Variants in BNC2 observed in about 807,000 individuals in gnomAD.
BNC2 encodes zinc finger protein basonuclin-2.
A neutral mutation model predicts 76.3 loss-of-function variants in BNC2; 20 were observed. That is an observed-to-expected ratio of 0.26 (90% confidence interval 0.18 to 0.38). The LOEUF is 0.38. Among genes scored for constraint, BNC2 ranks in the 10% least tolerant of loss-of-function variants. The pLI, the probability that BNC2 is intolerant of heterozygous loss-of-function variation, is 1.00. For synonymous variants in BNC2, 582 were observed against 514.8 expected, an observed-to-expected ratio of 1.13 and a Z score of -1.77; for missense variants, 1,382 against 1,399.8, an observed-to-expected ratio of 0.99 and a Z score of 0.20.
intron 5 of BNC2, among the ~76,000 whole-genome samples, chr9:16,442,655 G>A (rs970541550): frequency 6.6e-6 from 1 of 152,166 alleles, no homozygotes; most frequent in Non-Finnish European, 1.5e-5. Context: ...CTCAAGCTCA[G>A]TCCAACAAGG....
chr9:16,511,348 G>A (rs765903071), intron 5 of BNC2, among the ~76,000 whole-genome samples: 46 of 150,818 alleles, frequency 3.1e-4, no homozygotes, highest in Admixed American at 5.9e-4. Context: ...TGGACTCAAG[G>A]GATTGTCCCA....
At chr9:16,743,659 C>T (rs539474794) in intron 1 of BNC2, among the ~76,000 whole-genome samples, 1 of 152,328 alleles carries the variant, frequency 6.6e-6, no homozygotes, top group East Asian at 1.9e-4. Context: ...ATCTGAACCA[C>T]ACTGGTTTTC....
intron 4 of BNC2, among the ~76,000 whole-genome samples, chr9:16,554,277 A>G (rs754737052): frequency 5.3e-4 from 81 of 152,262 alleles, no homozygotes; most frequent in Non-Finnish European, 3.5e-4. Context: ...TTAGTATTTC[A>G]TATGTATTTT....
chr9:16,638,590 T>A (rs2133823710), intron 3 of BNC2, among the ~76,000 whole-genome samples: 1 of 152,258 alleles, frequency 6.6e-6, no homozygotes, highest in East Asian at 1.9e-4. Flanking sequence ...CCTGTATGGC[T>A]CTAATTACCT....
chr9:16,700,589 G>A (rs1823480214), intron 3 of BNC2, among the ~76,000 whole-genome samples: 1 of 152,150 alleles, frequency 6.6e-6, no homozygotes, highest in Admixed American at 6.5e-5. Context: ...GGGACTATAG[G>A]TGCGTGCCAG....
intron 5 of BNC2, among the ~76,000 whole-genome samples, chr9:16,441,367 G>A (rs959038669): frequency 6.6e-6 from 1 of 152,200 alleles, no homozygotes; most frequent in Non-Finnish European, 1.5e-5. Flanking sequence ...TAAATGGAGA[G>A]ACTGCAACAA....
intron 5 of BNC2, among the ~76,000 whole-genome samples, chr9:16,450,076 T>C (rs1821309817): frequency 6.6e-6 from 1 of 152,170 alleles, no homozygotes; most frequent in Admixed American, 6.5e-5. Flanking sequence ...ACAGATAATG[T>C]AATAAAGGCC....
At chr9:16,710,714 C>T (rs1823812113) in intron 3 of BNC2, among the ~76,000 whole-genome samples, 1 of 152,096 alleles carries the variant, frequency 6.6e-6, no homozygotes, top group Non-Finnish European at 1.5e-5. Flanking sequence ...CTATTCTTAT[C>T]ATTATGGTAC....
chr9:16,837,603 G>A (rs768716877), intron 1 of BNC2, among the ~76,000 whole-genome samples: 9 of 152,238 alleles, frequency 5.9e-5, no homozygotes, highest in African/African-American at 1.4e-4. Flanking sequence ...GATGTCTGGT[G>A]AAGAGGAGGT....
At chr9:16,652,867 T>C (rs934230859) in intron 3 of BNC2, among the ~76,000 whole-genome samples, 1 of 152,060 alleles carries the variant, frequency 6.6e-6, no homozygotes, top group African/African-American at 2.4e-5. Flanking sequence ...CACCTTCTAC[T>C]TGGAGGCAAG....
chr9:16,738,460 G>A lies in BNC2; in HGVS notation c.29C>T (p.Pro10Leu). The change falls in exon 2 of 7, where the codon CCA becomes CTA. Residue 10 changes from proline to leucine, a missense_variant. Pro to Leu is a moderately conservative substitution (Grantham distance 98). Transcript: ENST00000380672. The stretch of plus-strand genomic sequence containing the variant: ...CTCTGATTTGTAATTAAGGCTATGT[G>A]GAGGTGGGGTGGGCCCAAGGTGTGC... MAHLGPTPPPHSLNYKSEDR... is the reference protein window; with the variant it reads MAHLGPTPPLHSLNYKSEDR... The A allele has an allele frequency of 6.2e-7, 1 of 1,614,100 alleles. No individual in the cohort carries two copies. The highest frequency in any genetic ancestry group is 8.5e-7 in the Non-Finnish European group (1 of 1,179,984).
chr9:16,576,718 G>C (rs1335782861), intron 4 of BNC2, among the ~76,000 whole-genome samples: 1 of 152,134 alleles, frequency 6.6e-6, no homozygotes, highest in African/African-American at 2.4e-5. Context: ...TCTAAATGTA[G>C]GACTGATATA....
chr9:16,421,153 TG>T (rs1820701958), intron 6 of BNC2: 3 of 548,652 alleles, frequency 5.5e-6, no homozygotes, highest in African/African-American at 2.0e-5. Context: ...ACAAGAAAGG[TG>T]GGGAAGACTT....
intron 4 of BNC2, among the ~76,000 whole-genome samples, chr9:16,579,421 C>T (rs555993367): frequency 1.3e-4 from 20 of 151,914 alleles, no homozygotes; most frequent in African/African-American, 2.7e-4. Context: ...TAGTTGGGAC[C>T]GAGAGCACAC....
intron 4 of BNC2, among the ~76,000 whole-genome samples, chr9:16,570,870 G>A (rs1390716162): frequency 3.9e-5 from 6 of 152,252 alleles, no homozygotes; most frequent in Middle Eastern, 3.4e-3. Flanking sequence ...TTTCAGAAAA[G>A]AAGTGACATC....
At chr9:16,806,027 G>C (rs1817900819) in intron 1 of BNC2, among the ~76,000 whole-genome samples, 1 of 152,112 alleles carries the variant, frequency 6.6e-6, no homozygotes, top group South Asian at 2.1e-4. Context: ...CCTTAAAGAA[G>C]GAAAGGTGTG....
chr9:16,537,162 A>G (rs1395051410), intron 5 of BNC2, among the ~76,000 whole-genome samples: 1 of 152,092 alleles, frequency 6.6e-6, no homozygotes, highest in Non-Finnish European at 1.5e-5. Context: ...GAAGATGTCT[A>G]TACCATTTAT....
At chr9:16,737,726 A>T (rs1240128612) in intron 2 of BNC2, among the ~76,000 whole-genome samples, 1 of 152,150 alleles carries the variant, frequency 6.6e-6, no homozygotes, top group East Asian at 1.9e-4. Context: ...CCAAATGAAG[A>T]AACCCAAAAG....
intron 3 of BNC2, among the ~76,000 whole-genome samples, chr9:16,671,842 C>T (rs1822487134): frequency 6.6e-6 from 1 of 152,178 alleles, no homozygotes; most frequent in Non-Finnish European, 1.5e-5. Flanking sequence ...GACCCAAACT[C>T]CACCAAATAT....
Sources: gnomAD v4.1 joint callset for allele counts (sites outside exome capture counted in the v4.1 genomes callset) on GRCh38, gnomAD v4.1.1 for gene constraint, MANE v1.5 for transcripts, NCBI Gene and HGNC (gene_info 2026-07-23, HGNC 2026-07-21) for gene names.